The following CEMIP2 variants were observed in gnomAD, a reference collection of about 807,000 sequenced individuals.
The protein encoded by CEMIP2 is cell migration inducing hyaluronidase 2.
A neutral mutation model predicts 146.9 loss-of-function variants in CEMIP2; 79 were observed. That is an observed-to-expected ratio of 0.54 (90% confidence interval 0.45 to 0.65). The LOEUF is 0.65. Ranked by LOEUF, CEMIP2 falls within the 30% of genes least tolerant of loss-of-function variation. The pLI is 0.00. For synonymous variants in CEMIP2, 601 were observed against 606.3 expected (o/e 0.99, Z 0.13); for missense variants, 1,596 against 1,696.2 (o/e 0.94, Z 1.04).
chr9:71,699,462 A>AAAAGAAAG, intron 19 of CEMIP2: 1 of 420,072 alleles, frequency 2.4e-6, no homozygotes, highest in South Asian at 1.7e-5. Flanking sequence ...TAAAAAAAAA[A>AAAAGAAAG]AAAGAAAGAA....
chr9:71,719,548 G>T (rs896252908), intron 12 of CEMIP2, among the ~76,000 whole-genome samples: 3 of 152,120 alleles, frequency 2.0e-5, no homozygotes, highest in Non-Finnish European at 4.4e-5. Context: ...GGATTATAGA[G>T]AATGGACTCT....
At chr9:71,685,881 C>T in intron 22 of CEMIP2, 35 bp from the exon 23 acceptor site, 1 of 1,472,800 alleles carries the variant, frequency 6.8e-7, no homozygotes. Flanking sequence ...GAGCCAATTT[C>T]AATCCTTCAG....
intron 22 of CEMIP2, 121 bp downstream of exon 22, chr9:71,689,971 C>A: frequency 1.6e-6 from 2 of 1,243,222 alleles, no homozygotes; most frequent in Non-Finnish European, 2.3e-6. Context: ...GGAATGAACA[C>A]CTTGCATAGT....
chr9:71,693,285 A>T (rs1461665653), intron 21 of CEMIP2, among the ~76,000 whole-genome samples: 1 of 152,240 alleles, frequency 6.6e-6, no homozygotes, highest in Non-Finnish European at 1.5e-5. Context: ...CCTGTCACCC[A>T]AAGAGTTCTT....
intron 1 of CEMIP2, among the ~76,000 whole-genome samples, chr9:71,751,520 G>A (rs1824253525): frequency 6.6e-6 from 1 of 152,160 alleles, no homozygotes; most frequent in South Asian, 2.1e-4. Flanking sequence ...TGAACATCTA[G>A]GTGAGAGCCG....
chr9:71,726,110 A>G (rs1039838736), intron 10 of CEMIP2, among the ~76,000 whole-genome samples: 1 of 152,180 alleles, frequency 6.6e-6, no homozygotes, highest in South Asian at 2.1e-4. Context: ...TAGATGAGTC[A>G]TGCCTATTAA....
intron 18 of CEMIP2, 115 bp downstream of exon 18, chr9:71,704,480 C>A (rs374844790): frequency 5.7e-6 from 6 of 1,048,280 alleles, no homozygotes; most frequent in South Asian, 1.4e-5. Context: ...ACAAGAGAAG[C>A]AAAGTATGTA....
intron 15 of CEMIP2, among the ~76,000 whole-genome samples, chr9:71,712,772 T>G (rs1399171621): frequency 6.6e-6 from 1 of 152,250 alleles, no homozygotes; most frequent in African/African-American, 2.4e-5. Flanking sequence ...GCTTACCATG[T>G]CAACAGGGTT....
At chr9:71,699,642 TCG>T (rs370401156) in intron 19 of CEMIP2, among the ~76,000 whole-genome samples, 1 of 152,062 alleles carries the variant, frequency 6.6e-6, no homozygotes, top group Non-Finnish European at 1.5e-5. Flanking sequence ...CAAGTCAATC[TCG>T]CCACCCTTCT....
chr9:71,735,372 T>C (rs1263769851), intron 5 of CEMIP2, among the ~76,000 whole-genome samples: 7 of 152,154 alleles, frequency 4.6e-5, no homozygotes, highest in Non-Finnish European at 1.0e-4. Context: ...CAAGTACATA[T>C]ATTCCAGCAG....
At chr9:71,715,320 T>C (rs1823018303) in intron 14 of CEMIP2, among the ~76,000 whole-genome samples, 1 of 145,996 alleles carries the variant, frequency 6.8e-6, no homozygotes, top group Non-Finnish European at 1.5e-5. Flanking sequence ...CATGGTTCAC[T>C]GCAGCCTTGA....
intron 21 of CEMIP2, among the ~76,000 whole-genome samples, chr9:71,692,971 G>C (rs1822278080): frequency 6.6e-6 from 1 of 151,750 alleles, no homozygotes; most frequent in South Asian, 2.1e-4. Flanking sequence ...CAGTTACATA[G>C]GGATAGTCTT....
chr9:71,697,172 A>T (rs1356455565), intron 20 of CEMIP2, among the ~76,000 whole-genome samples: 1 of 152,204 alleles, frequency 6.6e-6, no homozygotes, highest in African/African-American at 2.4e-5. Context: ...CCCATTTTCC[A>T]CAAGTTTCCA....
At chr9:71,761,886 A>T (rs1398824481) in intron 1 of CEMIP2, among the ~76,000 whole-genome samples, 1 of 152,164 alleles carries the variant, frequency 6.6e-6, no homozygotes, top group Non-Finnish European at 1.5e-5. Flanking sequence ...ATAGAGCTTA[A>T]TTTTCTAAAA....
intron 21 of CEMIP2, among the ~76,000 whole-genome samples, chr9:71,693,373 C>G (rs1029837274): frequency 6.6e-6 from 1 of 152,224 alleles, no homozygotes; most frequent in Non-Finnish European, 1.5e-5. Context: ...TAACCTTGCT[C>G]TATGCGCAAA....
At chr9:71,732,162 G>A (rs1280783197) in intron 7 of CEMIP2, among the ~76,000 whole-genome samples, 189 bp downstream of exon 7, 1 of 152,026 alleles carries the variant, frequency 6.6e-6, no homozygotes, top group East Asian at 1.9e-4. Context: ...TTAACTAGAG[G>A]TCCAGGTCAA....
Position 71,730,149 on chromosome 9 carries a change from C to T in CEMIP2, c.1878G>A (p.Lys626=). 2.5e-6 allele frequency: 4 copies of T among 1,614,130 alleles called. No individual in the cohort carries two copies. The highest frequency in any genetic ancestry group is 3.4e-6 in the Non-Finnish European group (4 of 1,180,032). Reference sequence around the variant, plus strand: ...TATCGGTGGGCAGGAGAGTACCCGGCTTGGTGAGGAGTCCCAGATTGTGGA... The same window carrying T: ...TATCGGTGGGCAGGAGAGTACCCGGTTTGGTGAGGAGTCCCAGATTGTGGA... ...TLFHNLGLLT[K]PGTLLPTDRN... The change falls in exon 9 of 24, where the codon AAG becomes AAA. Residue 626 remains lysine, a synonymous_variant. Coordinates refer to ENST00000377044, the MANE Select transcript of CEMIP2 (RefSeq NM_013390.3).
At position 71,746,298 on chromosome 9, in the gene CEMIP2, T is replaced by C; in HGVS notation, c.375A>G (p.Pro125=). ...CAACTTGCTTTGCAGAATCTTGTCC[T>C]GGATCCCAATTCCTGAGACGAGGAT... is the stretch of plus-strand genomic sequence containing the variant. The part of the protein sequence containing the change: ...DQNPRLRNWD[P]GQDSAKQVVI... The change falls in exon 3 of 24, where the codon CCA becomes CCG. Residue 125 remains proline, a synonymous_variant. Coordinates refer to ENST00000377044, the MANE Select transcript of CEMIP2 (RefSeq NM_013390.3). The C allele has an allele frequency of 6.2e-7, 1 of 1,613,982 alleles. No individual in the cohort carries two copies. Among genetic ancestry groups the C allele is most frequent in the Non-Finnish European group, 8.5e-7 (1 of 1,179,878 alleles).
intron 5 of CEMIP2, among the ~76,000 whole-genome samples, chr9:71,739,105 T>C (rs1330785018): frequency 6.6e-6 from 1 of 152,026 alleles, no homozygotes; most frequent in Admixed American, 6.6e-5. Context: ...ACTGAGAACA[T>C]GAGACATGAA....
Sources: gnomAD v4.1 joint callset for allele counts (sites outside exome capture counted in the v4.1 genomes callset) on GRCh38, gnomAD v4.1.1 for gene constraint, MANE v1.5 for transcripts, NCBI Gene and HGNC (gene_info 2026-07-23, HGNC 2026-07-21) for gene names.